The following FBXO4 variants were observed in gnomAD, a reference collection of about 807,000 sequenced individuals.
FBXO4 encodes F-box only protein 4.
Under a neutral mutation model 43.7 loss-of-function variants are expected in FBXO4, and 36 were observed. The ratio of observed to expected loss-of-function variants is 0.82; its 90% CI spans 0.63 to 1.09. The LOEUF (loss-of-function observed/expected upper bound fraction) is 1.09, where lower values mean the gene tolerates loss of function less well. Among genes scored for constraint, FBXO4 ranks in the 50% least tolerant of loss-of-function variants. The pLI is 0.00. For synonymous variants in FBXO4, 180 were observed against 165.6 expected, an observed-to-expected ratio of 1.09 and a Z score of -0.67; for missense variants, 435 against 474.1, an observed-to-expected ratio of 0.92 and a Z score of 0.77.
In FBXO4 at chr5:41,933,928, T is replaced by A. The variant is rs1466527275; in HGVS notation, c.647-18T>A. On this transcript the variant is annotated intron_variant, in intron 3 of 6. Coordinates refer to ENST00000281623, the MANE Select transcript of FBXO4 (RefSeq NM_012176.3). ...TTTATTAATGATTTGTTTTGGTAAC[T>A]GTGATTTTCTTTCTTAGGTATTGGA... 6.3e-7 allele frequency: 1 copy of A among 1,593,624 alleles called. No homozygotes were observed. The highest frequency in any genetic ancestry group is 8.6e-7 in the Non-Finnish European group (1 of 1,167,818).
chr5:41,967,037 C>A, the FBXO4 span: 1 of 267,250 alleles, frequency 3.7e-6, no homozygotes, highest in Non-Finnish European at 7.3e-6. Flanking sequence ...CATTTTAAAC[C>A]ATTTCAGTGG....
chr5:41,951,600 G>C, the FBXO4 span: 1 of 225,672 alleles, frequency 4.4e-6, no homozygotes, highest in Non-Finnish European at 8.7e-6. Context: ...TAGAAGTAGA[G>C]ATAAGTCATA....
intron 3 of FBXO4, among the ~76,000 whole-genome samples, chr5:41,930,799 C>T (rs751154980): frequency 1.5e-4 from 23 of 151,872 alleles, no homozygotes; most frequent in East Asian, 1.9e-4. Flanking sequence ...GGACTACAGG[C>T]GCCCACCACT....
the FBXO4 span, chr5:41,967,054 TAAAA>T: frequency 1.9e-5 from 5 of 262,500 alleles, no homozygotes; most frequent in Non-Finnish European, 3.7e-5. Context: ...GTGGAAAAAA[TAAAA>T]AAAAATCACG....
the FBXO4 span, among the ~76,000 whole-genome samples, chr5:42,033,560 A>G: frequency 3.3e-5 from 5 of 151,598 alleles, no homozygotes; most frequent in African/African-American, 9.7e-5. Flanking sequence ...CCACCCCTCA[A>G]CTGGCTCTGG....
At chr5:41,938,907 A>G (rs1260153592) in intron 5 of FBXO4, among the ~76,000 whole-genome samples, 2 of 151,916 alleles carry the variant, frequency 1.3e-5, no homozygotes, top group East Asian at 3.8e-4. Flanking sequence ...GAATCTTTCA[A>G]CAAGAAGAGC....
At chr5:42,001,298 C>T in the FBXO4 span, among the ~76,000 whole-genome samples, 4 of 152,056 alleles carry the variant, frequency 2.6e-5, no homozygotes, top group East Asian at 1.9e-4. Flanking sequence ...GGTATGATCT[C>T]GGCTCACTGC....
the FBXO4 span, among the ~76,000 whole-genome samples, chr5:42,029,561 G>A: frequency 6.6e-6 from 1 of 151,984 alleles, no homozygotes; most frequent in East Asian, 1.9e-4. Flanking sequence ...CCATGTACTT[G>A]GGGCCAATAA....
In FBXO4 at chr5:41,941,660, A is replaced by T. The variant is rs552922705; in HGVS notation, c.*379A>T. On this transcript the variant is annotated 3_prime_UTR_variant, in exon 7 of 7. Transcript: ENST00000281623. ...AGCAAATTTGCTAAACTTTCTATTC[A>T]GTCTTTTCAAGGGTTCATAAGTGGT... The T allele has an allele frequency of 6.5e-5, 11 of 169,148 alleles. No homozygotes were observed. In the South Asian group the frequency reaches 1.6e-3, roughly 25 times the overall value. 10.5% of individuals were successfully genotyped at this position (169,148 alleles called of 1,614,324 possible).
the FBXO4 span, among the ~76,000 whole-genome samples, chr5:42,028,918 T>G: frequency 2.0e-4 from 30 of 151,980 alleles, 1 homozygote; most frequent in Admixed American, 6.6e-5. Flanking sequence ...GAAAAGTTGT[T>G]GTAGTCATTT....
rs569495996 is a variant in FBXO4 at position 41,935,269 on chromosome 5, T to C, written c.898+961T>C. 2.2e-4 allele frequency among the ~76,000 whole-genome samples: 34 copies of C among 152,306 alleles called. No individual in the cohort carries two copies. In the South Asian group the frequency reaches 6.6e-3, roughly 30 times the overall value. On this transcript the variant is annotated intron_variant, in intron 5 of 6. Transcript: ENST00000281623. ...GACACAAAGAGACTATACTCACTTA[T>C]CAGCTTTTTCCCACTGGCCTCTACT...
At chr5:41,936,227 G>A (rs1298690563) in intron 5 of FBXO4, among the ~76,000 whole-genome samples, 2 of 152,154 alleles carry the variant, frequency 1.3e-5, no homozygotes, top group African/African-American at 4.8e-5. Context: ...TCAGCATGTT[G>A]GTATTCTCAG....
chr5:41,952,384 T>G, the FBXO4 span, among the ~76,000 whole-genome samples: 1 of 152,234 alleles, frequency 6.6e-6, no homozygotes, highest in African/African-American at 2.4e-5. Flanking sequence ...TCAAATAATG[T>G]GTCCATTTAT....
At chr5:41,939,362 C>A in intron 5 of FBXO4, 79 bp from the exon 6 acceptor site, 1 of 1,337,818 alleles carries the variant, frequency 7.5e-7, no homozygotes, top group Non-Finnish European at 1.0e-6. Context: ...TGTTCCCTCG[C>A]TTTGTTAGTT....
chr5:42,027,514 G>A, the FBXO4 span, among the ~76,000 whole-genome samples: 2 of 147,390 alleles, frequency 1.4e-5, no homozygotes, highest in South Asian at 4.2e-4. Flanking sequence ...TTGATCTTTT[G>A]TATTTTTTCA....
the FBXO4 span, among the ~76,000 whole-genome samples, chr5:42,013,771 G>A: frequency 1.4e-3 from 215 of 152,322 alleles, no homozygotes; most frequent in Non-Finnish European, 1.9e-3. Context: ...TTAGACTTTG[G>A]TGTCTCATTC....
the FBXO4 span, among the ~76,000 whole-genome samples, chr5:42,027,862 C>A: frequency 9.9e-5 from 15 of 151,680 alleles, no homozygotes; most frequent in Admixed American, 8.6e-4. Context: ...TTGTTATTGA[C>A]GTTTGGTTAC....
chr5:41,991,145 T>A, the FBXO4 span, among the ~76,000 whole-genome samples: 1 of 152,226 alleles, frequency 6.6e-6, no homozygotes, highest in African/African-American at 2.4e-5. Context: ...ACTAACCTGC[T>A]GACCATTTTA....
the FBXO4 span, among the ~76,000 whole-genome samples, chr5:42,005,174 C>G: frequency 6.6e-6 from 1 of 152,114 alleles, no homozygotes; most frequent in Non-Finnish European, 1.5e-5. Context: ...GCCGGAGAAC[C>G]TGAGGGTTGC....
Sources: gnomAD v4.1 joint callset for allele counts (sites outside exome capture counted in the v4.1 genomes callset) on GRCh38, gnomAD v4.1.1 for gene constraint, MANE v1.5 for transcripts, NCBI Gene and HGNC (gene_info 2026-07-23, HGNC 2026-07-21) for gene names.